Variants in CHLSN observed in about 807,000 individuals in gnomAD.
CHLSN encodes the protein cholesin.
At chr7:994,159 TTATG>T in the CHLSN span, among the ~76,000 whole-genome samples, 4 of 152,234 alleles carry the variant, frequency 2.6e-5, no homozygotes, top group Admixed American at 1.3e-4. Context: ...ACTTTTATTT[TTATG>T]TATTTATTTT....
the CHLSN span, among the ~76,000 whole-genome samples, chr7:1,018,429 C>T: frequency 6.6e-6 from 1 of 152,212 alleles, no homozygotes; most frequent in Non-Finnish European, 1.5e-5. Context: ...CAGAGCCTGG[C>T]CCCGAGCAGA....
chr7:1,120,707 C>T, the CHLSN span, among the ~76,000 whole-genome samples: 10 of 152,236 alleles, frequency 6.6e-5, no homozygotes, highest in Non-Finnish European at 1.5e-4. Context: ...TTCATAACAG[C>T]CCCAAGCTGG....
the CHLSN span, among the ~76,000 whole-genome samples, chr7:1,019,160 C>T: frequency 2.2e-5 from 3 of 134,814 alleles, no homozygotes; most frequent in Non-Finnish European, 4.6e-5. Flanking sequence ...CGCCATTGCA[C>T]TCCAGCCTGG....
chr7:1,099,468 G>A, the CHLSN span, among the ~76,000 whole-genome samples: 1 of 152,254 alleles, frequency 6.6e-6, no homozygotes, highest in Non-Finnish European at 1.5e-5. Flanking sequence ...ACGCCATCCA[G>A]CATTTATTGT....
the CHLSN span, chr7:1,000,687 A>T: frequency 1.4e-6 from 1 of 693,296 alleles, no homozygotes; most frequent in Non-Finnish European, 2.4e-6. Context: ...CCTCATGTGA[A>T]GAGGGTTTTT....
chr7:1,136,531 C>G, the CHLSN span, among the ~76,000 whole-genome samples: 14 of 125,414 alleles, frequency 1.1e-4, no homozygotes, highest in Non-Finnish European at 3.2e-5. Flanking sequence ...TATATATAAA[C>G]ATATATATGA....
At chr7:1,090,145 C>G in the CHLSN span, among the ~76,000 whole-genome samples, 822 of 152,272 alleles carry the variant, frequency 5.4e-3, 7 homozygotes, top group African/African-American at 0.019. Flanking sequence ...AAAAACAACT[C>G]AAACCCATTT....
the CHLSN span, among the ~76,000 whole-genome samples, chr7:987,860 CTG>C: frequency 6.6e-6 from 1 of 151,002 alleles, no homozygotes; most frequent in East Asian, 1.9e-4. Flanking sequence ...GGGGTCCCCT[CTG>C]TGTGTCCTGG....
the CHLSN span, chr7:1,000,448 GC>G: frequency 6.5e-7 from 1 of 1,541,518 alleles, no homozygotes; most frequent in Non-Finnish European, 8.8e-7. Flanking sequence ...CAGGAGACGT[GC>G]CTGCCCCGCC....
the CHLSN span, among the ~76,000 whole-genome samples, chr7:1,101,356 T>C: frequency 6.6e-6 from 1 of 151,240 alleles, no homozygotes; most frequent in Non-Finnish European, 1.5e-5. Context: ...TGAAACCTAC[T>C]GCCAGAAGTC....
chr7:987,271 G>T, the CHLSN span: 2 of 1,504,970 alleles, frequency 1.3e-6, no homozygotes, highest in African/African-American at 1.4e-5. Context: ...CTGGCGAGAC[G>T]GCTCCTTCTG....
the CHLSN span, among the ~76,000 whole-genome samples, chr7:992,163 G>A: frequency 6.6e-6 from 1 of 151,996 alleles, no homozygotes; most frequent in African/African-American, 2.4e-5. Flanking sequence ...TCAGCAGCAG[G>A]AGGGACGCCG....
At chr7:1,054,509 G>A in the CHLSN span, among the ~76,000 whole-genome samples, 3 of 152,208 alleles carry the variant, frequency 2.0e-5, no homozygotes, top group East Asian at 1.9e-4. Context: ...CGAGTGGGAC[G>A]CACGTGAGCG....
chr7:1,101,831 G>C, the CHLSN span, among the ~76,000 whole-genome samples: 2 of 152,252 alleles, frequency 1.3e-5, no homozygotes, highest in Non-Finnish European at 2.9e-5. Context: ...GGAGGTGCGC[G>C]TCGCGGACAC....
chr7:1,107,299 G>C, the CHLSN span, among the ~76,000 whole-genome samples: 63 of 152,138 alleles, frequency 4.1e-4, no homozygotes, highest in African/African-American at 1.4e-3. Context: ...TGCGCTCACA[G>C]ACACCCAGCT....
At chr7:986,873 G>C in the CHLSN span, 1 of 1,421,286 alleles carries the variant, frequency 7.0e-7, no homozygotes, top group Non-Finnish European at 9.2e-7. Flanking sequence ...CGGCTGGGGA[G>C]GGGTCCATAC....
At chr7:1,120,928 G>A in the CHLSN span, among the ~76,000 whole-genome samples, 3 of 152,078 alleles carry the variant, frequency 2.0e-5, no homozygotes, top group East Asian at 3.9e-4. Flanking sequence ...CCATGAAAAC[G>A]GATCAAAAAC....
chr7:1,135,397 A>T, the CHLSN span, among the ~76,000 whole-genome samples: 1 of 152,102 alleles, frequency 6.6e-6, no homozygotes, highest in Non-Finnish European at 1.5e-5. Context: ...CTAGACATAT[A>T]TACACATATA....
At chr7:1,002,467 G>A in the CHLSN span, among the ~76,000 whole-genome samples, 1 of 117,206 alleles carries the variant, frequency 8.5e-6, no homozygotes. Context: ...CTGTGGGTGA[G>A]TGGAGTCCTG....
Sources: allele counts gnomAD v4.1 joint callset (sites outside exome capture counted in the v4.1 genomes callset), GRCh38; gene constraint gnomAD v4.1.1; transcripts MANE v1.5; gene names NCBI Gene and HGNC (gene_info 2026-07-23, HGNC 2026-07-21).